The following COL27A1 variants were observed in gnomAD, a reference collection of about 807,000 sequenced individuals.
COL27A1 encodes collagen alpha-1(XXVII) chain.
In COL27A1, 106 loss-of-function variants were observed where a neutral mutation model predicts 251.3. The observed-to-expected ratio is 0.42, with a 90% CI of 0.36 to 0.50. The LOEUF is 0.50. Ranked by LOEUF, COL27A1 falls within the 20% of genes least tolerant of loss-of-function variation. COL27A1 has a pLI of 0.00. For synonymous variants in COL27A1, 1,000 were observed against 986.3 expected (o/e 1.01, Z -0.26); for missense variants, 2,325 against 2,522.8 (o/e 0.92, Z 1.68).
At chr9:114,306,039 T>C (rs1829015322) in intron 57 of COL27A1, among the ~76,000 whole-genome samples, 2 of 151,834 alleles carry the variant, frequency 1.3e-5, no homozygotes, top group African/African-American at 2.4e-5. Flanking sequence ...TTCTCTGAGC[T>C]GAAGTCCTCC....
intron 11 of COL27A1, among the ~76,000 whole-genome samples, 177 bp from the exon 12 acceptor site, chr9:114,210,805 C>T (rs1447705907): frequency 6.6e-6 from 1 of 152,276 alleles, no homozygotes; most frequent in Non-Finnish European, 1.5e-5. Context: ...TAGGTCACCA[C>T]AGACCCCGAC....
intron 3 of COL27A1, among the ~76,000 whole-genome samples, chr9:114,174,079 G>C (rs546858361): frequency 1.2e-4 from 19 of 152,042 alleles, no homozygotes; most frequent in African/African-American, 4.6e-4. Context: ...CTGGGTTCAA[G>C]CAATTCTCCT....
In COL27A1 at chr9:114,206,309, T is replaced by G. The variant is rs1467558884; in HGVS notation, c.2268+13T>G. 3 of 1,614,024 alleles carry G rather than the reference T, an allele frequency of 1.9e-6. No individual in the cohort carries two copies. The Admixed American group carries it at 5.0e-5, about 27-fold the overall frequency. On this transcript the variant is annotated intron_variant, in intron 10 of 60. Transcript: ENST00000356083. ...CAAAGGCAGCAGGGTAAGTGGTTCCTGGCCAGTGCCACATGGGTGGGGTTC... is the reference window on the plus strand; with the variant it reads ...CAAAGGCAGCAGGGTAAGTGGTTCCGGGCCAGTGCCACATGGGTGGGGTTC...
At chr9:114,255,950 G>A (rs1403306017) in intron 27 of COL27A1, among the ~76,000 whole-genome samples, 1 of 152,212 alleles carries the variant, frequency 6.6e-6, no homozygotes, top group African/African-American at 2.4e-5. Context: ...GCCACCTGGA[G>A]TATGAGATTG....
intron 28 of COL27A1, among the ~76,000 whole-genome samples, chr9:114,260,998 A>G (rs749220574): frequency 1.3e-5 from 2 of 152,158 alleles, no homozygotes; most frequent in Non-Finnish European, 2.9e-5. Context: ...CTTGGATCTT[A>G]GACCTTGGGC....
rs558341026 is a variant in COL27A1, at chr9:114,279,672, C to T, written c.3718-2605C>T. On this transcript the variant is annotated intron_variant, in intron 37 of 60. Coordinates refer to ENST00000356083, the MANE Select transcript of COL27A1 (RefSeq NM_032888.4). ...TGGGCAACATAGTGAGAACTTGTTT[C>T]TATAACAATTAAATTAAATTAAATT... is the stretch of plus-strand genomic sequence containing the variant. Among the ~76,000 whole-genome samples, 30 of 146,800 alleles carry T rather than the reference C, an allele frequency of 2.0e-4. 1 individual carries two copies. In the East Asian group the frequency reaches 6.3e-3, roughly 31 times the overall value.
At chr9:114,269,759 C>T (rs1338809918) in intron 35 of COL27A1, among the ~76,000 whole-genome samples, 3 of 152,096 alleles carry the variant, frequency 2.0e-5, no homozygotes, top group South Asian at 2.1e-4. Flanking sequence ...CAGTGAGTAA[C>T]GGAGGCCTGT....
chr9:114,154,852 G>A (rs950075762), upstream of COL27A1, among the ~76,000 whole-genome samples: 6 of 152,122 alleles, frequency 3.9e-5, no homozygotes, highest in African/African-American at 7.2e-5. The surrounding 1 kb of genome is among the most constrained non-coding windows in gnomAD (Gnocchi z 5.8). Flanking sequence ...AGAGGCGGAG[G>A]GAGCTGTGGT....
chr9:114,243,675 G>C, intron 23 of COL27A1, 115 bp downstream of exon 23: 1 of 828,820 alleles, frequency 1.2e-6, no homozygotes, highest in Non-Finnish European at 1.9e-6. Flanking sequence ...AAAAAAATTG[G>C]TTCCTGTTTA....
chr9:114,178,277 T>A lies in COL27A1; in HGVS notation c.1909-14T>A. 6.2e-7 allele frequency: 1 copy of A among 1,613,308 alleles called. No homozygotes were observed. The highest frequency in any genetic ancestry group is 8.5e-7 in the Non-Finnish European group (1 of 1,179,246). On this transcript the variant is annotated splice_polypyrimidine_tract_variant and intron_variant, in intron 3 of 60. Coordinates refer to ENST00000356083, the MANE Select transcript of COL27A1 (RefSeq NM_032888.4). ...TGGGCACTGTCTAATGCTGTCTTCT[T>A]GTTTTCTCCTCAGGGTCCCCCTGGG...
rs147140199 is a variant in COL27A1 at position 114,168,167 on chromosome 9, G to A, written c.612G>A (p.Pro204=). ...CCTTCCTCTTTGGGAAGATGAACCC[G>A]CATGCAGTCCAGTTTGAAGGTGCTC... ...GGSFLFGKMN[P]HAVQFEGALC... The change falls in exon 3 of 61, where the codon CCG becomes CCA. Residue 204 remains proline, a synonymous_variant. Coordinates refer to ENST00000356083, the MANE Select transcript of COL27A1 (RefSeq NM_032888.4). The A allele has an allele frequency of 1.8e-4, 289 of 1,613,588 alleles. 1 individual carries two copies. The highest frequency in any genetic ancestry group is 3.3e-4 in the Middle Eastern group (2 of 6,062).
intron 27 of COL27A1, among the ~76,000 whole-genome samples, chr9:114,257,705 A>C (rs1834024584): frequency 6.7e-6 from 1 of 148,940 alleles, no homozygotes; most frequent in Non-Finnish European, 1.5e-5. Flanking sequence ...ATCCTCTCCC[A>C]CTCTGCCCTC....
chr9:114,307,874 C>T (rs1426628583), intron 59 of COL27A1, 96 bp downstream of exon 59: 7 of 805,320 alleles, frequency 8.7e-6, no homozygotes, highest in Non-Finnish European at 1.4e-5. Context: ...CTGAGCTGTG[C>T]CTGTCTTACT....
At chr9:114,192,898 G>T (rs2135232393) in intron 5 of COL27A1, among the ~76,000 whole-genome samples, 1 of 152,322 alleles carries the variant, frequency 6.6e-6, no homozygotes, top group East Asian at 1.9e-4. Flanking sequence ...ATGAAGAAAA[G>T]AACTGAGTGG....
chr9:114,264,335 G>A lies in COL27A1; in HGVS notation c.3196-20G>A, dbSNP rs368497374. 2.0e-4 allele frequency: 313 copies of A among 1,579,068 alleles called. No homozygotes were observed. The highest frequency in any genetic ancestry group is 8.4e-4 in the Middle Eastern group (5 of 5,982). On this transcript the variant is annotated intron_variant, in intron 28 of 60. Coordinates refer to ENST00000356083, the MANE Select transcript of COL27A1 (RefSeq NM_032888.4). ...GAGACCCCTGCTGTCCGGTGTGCTA[G>A]TCCCTTTTTCCTATTCCAGGGCCCC...
intron 3 of COL27A1, among the ~76,000 whole-genome samples, chr9:114,177,909 C>G (rs1306050051): frequency 6.6e-6 from 1 of 152,124 alleles, no homozygotes; most frequent in African/African-American, 2.4e-5. Flanking sequence ...GACTCATATC[C>G]CCTTAGTTCC....
rs774821525 is a variant in COL27A1 at position 114,178,278 on chromosome 9, G to A, written c.1909-13G>A. 2 of 1,613,310 alleles carry A rather than the reference G, an allele frequency of 1.2e-6. No individual in the cohort carries two copies. The highest frequency in any genetic ancestry group is 1.3e-5 in the African/African-American group (1 of 74,900). ...GGGCACTGTCTAATGCTGTCTTCTT[G>A]TTTTCTCCTCAGGGTCCCCCTGGGC... On this transcript the variant is annotated splice_polypyrimidine_tract_variant and intron_variant, in intron 3 of 60. Transcript: ENST00000356083.
At chr9:114,243,935 T>TGAGATGGAGTC (rs1832939451) in intron 23 of COL27A1, among the ~76,000 whole-genome samples, 1 of 149,186 alleles carries the variant, frequency 6.7e-6, no homozygotes, top group African/African-American at 2.5e-5. Context: ...ATTTTTTTTT[T>TGAGATGGAGTC]TTTTTTTTTG....
At chr9:114,212,015 G>A (rs13300252) in intron 12 of COL27A1, among the ~76,000 whole-genome samples, 43,229 of 152,184 alleles carry the variant, frequency 0.28, 7,306 homozygotes, top group East Asian at 0.64. Flanking sequence ...GGGCCTCTCC[G>A]TGCTTCTGCC....
Sources: allele counts gnomAD v4.1 joint callset (sites outside exome capture counted in the v4.1 genomes callset), GRCh38; gene constraint gnomAD v4.1.1; non-coding constraint Gnocchi (gnomAD v3.1); transcripts MANE v1.5; gene names NCBI Gene and HGNC (gene_info 2026-07-23, HGNC 2026-07-21).